The following AGTR1 variants were observed in gnomAD, a reference collection of about 807,000 sequenced individuals.
The protein encoded by AGTR1 is angiotensin II receptor type 1.
In AGTR1, 16 loss-of-function variants were observed where a neutral mutation model predicts 19.4. That is an observed-to-expected ratio of 0.82 (90% CI 0.56 to 1.25). The LOEUF (loss-of-function observed/expected upper bound fraction) is 1.25. Ranked by LOEUF, AGTR1 falls within the 50% of genes most tolerant of loss-of-function variation. The pLI, the probability that AGTR1 is intolerant of heterozygous loss-of-function variation, is 0.00. For synonymous variants in AGTR1, 153 were observed against 154.9 expected, an observed-to-expected ratio of 0.99 and a Z score of 0.09; for missense variants, 373 against 431.9, an observed-to-expected ratio of 0.86 and a Z score of 1.21.
chr3:148,730,464 CTT>C (rs1187348691), intron 2 of AGTR1: 10 of 358,316 alleles, frequency 2.8e-5, no homozygotes, highest in Non-Finnish European at 5.0e-5. Flanking sequence ...GCTGGGCACA[CTT>C]TACGCCAGTC....
chr3:148,724,135 G>A (rs1713798004), intron 2 of AGTR1, among the ~76,000 whole-genome samples: 1 of 152,100 alleles, frequency 6.6e-6, no homozygotes, highest in South Asian at 2.1e-4. Flanking sequence ...ATATTTTAAA[G>A]TTAGCTGTTT....
intron 2 of AGTR1, among the ~76,000 whole-genome samples, chr3:148,714,729 T>TGACTCTA (rs1713192733): frequency 6.6e-6 from 1 of 152,156 alleles, no homozygotes; most frequent in Admixed American, 6.6e-5. Context: ...TCTGTGGCAA[T>TGACTCTA]GACTCTAGTA....
chr3:148,730,297 T>C, intron 2 of AGTR1: 1 of 397,920 alleles, frequency 2.5e-6, no homozygotes, highest in East Asian at 3.6e-5. Flanking sequence ...TCCCACTGTC[T>C]TAACTCTGGT....
chr3:148,724,936 C>T (rs577111688), intron 2 of AGTR1, among the ~76,000 whole-genome samples: 14 of 152,248 alleles, frequency 9.2e-5, no homozygotes, highest in South Asian at 8.3e-4. Context: ...CACAAATCTG[C>T]CTGCTCTATT....
chr3:148,738,622 C>T (rs1307234254), intron 2 of AGTR1, among the ~76,000 whole-genome samples: 1 of 152,148 alleles, frequency 6.6e-6, no homozygotes, highest in Non-Finnish European at 1.5e-5. Context: ...ACTAGTCATA[C>T]CTCCCTAAAA....
intron 1 of AGTR1, among the ~76,000 whole-genome samples, chr3:148,707,544 A>G (rs1712738104): frequency 6.6e-6 from 1 of 152,240 alleles, no homozygotes. Context: ...ACTAAGTAAT[A>G]GAATCATTTA....
chr3:148,700,820 G>A (rs530395078), intron 1 of AGTR1, among the ~76,000 whole-genome samples: 1 of 152,136 alleles, frequency 6.6e-6, no homozygotes, highest in Non-Finnish European at 1.5e-5. Flanking sequence ...GTGATGATTG[G>A]AAAATGCTAT....
rs59367733 is a variant in AGTR1, at chr3:148,720,403, T to G, written c.-48+12376T>G. Among the ~76,000 whole-genome samples, 1,328 of 152,310 alleles carry G rather than the reference T, an allele frequency of 8.7e-3. 20 individuals carry two copies. The highest frequency in any genetic ancestry group is 0.03 in the African/African-American group (1,247 of 41,568). ...TTCCTATCATAGCATGTTGTCGACC[T>G]CATTTTTCAAATCCATAATTTTAGA... On this transcript the variant is annotated intron_variant, in intron 2 of 2. Transcript: ENST00000349243.
intron 2 of AGTR1, among the ~76,000 whole-genome samples, chr3:148,718,634 A>G (rs972808658): frequency 6.6e-6 from 1 of 152,222 alleles, no homozygotes; most frequent in African/African-American, 2.4e-5. Flanking sequence ...TAAAATTGCA[A>G]CAGAGCCTTC....
rs1327158479 is a variant in AGTR1, at chr3:148,741,583, A to T, written c.548A>T (p.His183Leu). The part of the protein sequence containing the change: ...ENTNITVCAF[H>L]YESQNSTLPI... ...ACCAATATTACAGTTTGTGCTTTCC[A>T]TTATGAGTCCCAAAATTCAACCCTC... Residue 183 changes from histidine (H) to leucine (L), a missense_variant, in exon 3 of 3, where the codon CAT becomes CTT. By Grantham distance (99) the His-to-Leu change is moderately conservative. Transcript: ENST00000349243. The T allele has an allele frequency of 6.2e-7, 1 of 1,613,920 alleles. No homozygotes were observed. Among genetic ancestry groups the T allele is most frequent in the African/African-American group, 1.3e-5 (1 of 74,910 alleles).
chr3:148,727,999 A>G (rs1361204492), intron 2 of AGTR1, among the ~76,000 whole-genome samples: 1 of 152,150 alleles, frequency 6.6e-6, no homozygotes, highest in Non-Finnish European at 1.5e-5. Context: ...GCTAGATGCT[A>G]GTAATACCCC....
chr3:148,721,363 G>A (rs1382294936), intron 2 of AGTR1, among the ~76,000 whole-genome samples: 3 of 152,102 alleles, frequency 2.0e-5, no homozygotes, highest in Non-Finnish European at 2.9e-5. Flanking sequence ...GGATGAAGCC[G>A]AGTAGTTCTT....
At chr3:148,709,809 A>G (rs1712878988) in intron 2 of AGTR1, among the ~76,000 whole-genome samples, 1 of 152,168 alleles carries the variant, frequency 6.6e-6, no homozygotes, top group South Asian at 2.1e-4. Context: ...TGTAAACAGC[A>G]CTTCAGAGCT....
chr3:148,725,607 C>G (rs901095730), intron 2 of AGTR1, among the ~76,000 whole-genome samples: 3 of 152,178 alleles, frequency 2.0e-5, no homozygotes, highest in African/African-American at 7.2e-5. Context: ...CTCAGACTCC[C>G]AAGTAGCTGG....
chr3:148,707,845 A>G (rs1022519177), intron 1 of AGTR1, 99 bp from the exon 2 acceptor site: 1 of 152,190 alleles, frequency 6.6e-6, no homozygotes, highest in Non-Finnish European at 1.5e-5. Context: ...TCCCTTCAAA[A>G]ACACTCTTAA....
At chr3:148,700,307 A>C (rs780700599) in intron 1 of AGTR1, among the ~76,000 whole-genome samples, 10 of 152,210 alleles carry the variant, frequency 6.6e-5, no homozygotes, top group Non-Finnish European at 1.5e-4. Flanking sequence ...TTACTCTGCT[A>C]CTTACCCAAA....
intron 2 of AGTR1, among the ~76,000 whole-genome samples, chr3:148,737,571 C>T (rs112632466): frequency 1.3e-5 from 2 of 151,918 alleles, no homozygotes; most frequent in Non-Finnish European, 2.9e-5. Context: ...TGACTTTATT[C>T]CCCTTGCATC....
intron 1 of AGTR1, among the ~76,000 whole-genome samples, chr3:148,700,373 G>C (rs1436759426): frequency 6.6e-6 from 1 of 152,150 alleles, no homozygotes; most frequent in Non-Finnish European, 1.5e-5. Flanking sequence ...TTAAATGCAT[G>C]ATGCATGTCT....
intron 2 of AGTR1, among the ~76,000 whole-genome samples, chr3:148,724,472 A>G (rs1713821270): frequency 6.6e-6 from 1 of 152,230 alleles, no homozygotes; most frequent in South Asian, 2.1e-4. Context: ...GTTAAAATAG[A>G]CTTTACTTGG....
Sources: gnomAD v4.1 joint callset for allele counts (sites outside exome capture counted in the v4.1 genomes callset) on GRCh38, gnomAD v4.1.1 for gene constraint, MANE v1.5 for transcripts, NCBI Gene and HGNC (gene_info 2026-07-23, HGNC 2026-07-21) for gene names.